Variants in PPM1D observed in about 807,000 individuals in gnomAD.
The protein encoded by PPM1D is protein phosphatase 1D.
A neutral mutation model predicts 58.3 loss-of-function variants in PPM1D; 52 were observed. The observed-to-expected ratio is 0.89, with a 90% CI of 0.71 to 1.12. The LOEUF (loss-of-function observed/expected upper bound fraction) is 1.12. Among genes scored for constraint, PPM1D ranks in the 50% most tolerant of loss-of-function variants. PPM1D has a pLI of 0.00. For missense variants in PPM1D, 564 were observed against 777.2 expected, an observed-to-expected ratio of 0.73 and a Z score of 3.26; for synonymous variants, 278 against 285.1, an observed-to-expected ratio of 0.98 and a Z score of 0.25.
chr17:60,627,610 C>T (rs1387315862), intron 2 of PPM1D, among the ~76,000 whole-genome samples: 3 of 151,852 alleles, frequency 2.0e-5, no homozygotes, highest in Non-Finnish European at 2.9e-5. Context: ...TTAGTAGAAA[C>T]GGGGTTTCAC....
In PPM1D at chr17:60,649,924, A is replaced by G. The variant is rs1295330954; in HGVS notation, c.1017+1842A>G. Among the ~76,000 whole-genome samples, 5 of 152,320 alleles carry G rather than the reference A, an allele frequency of 3.3e-5. No homozygotes were observed. The East Asian group carries it at 5.8e-4, about 18-fold the overall frequency. On this transcript the variant is annotated intron_variant, in intron 4 of 5. Coordinates refer to ENST00000305921, the MANE Select transcript of PPM1D (RefSeq NM_003620.4). ...GTGTTGCATTTAGTTGGAGATTATCATGTATCAAAGAGTAACATAAAGACT... is the reference window on the plus strand; with the variant it reads ...GTGTTGCATTTAGTTGGAGATTATCGTGTATCAAAGAGTAACATAAAGACT...
In PPM1D at chr17:60,650,839, T is replaced by C. The variant is rs371927288; in HGVS notation, c.1017+2757T>C. 9.3e-4 allele frequency among the ~76,000 whole-genome samples: 142 copies of C among 152,054 alleles called. 3 individuals are homozygous for C. Among genetic ancestry groups the C allele is most frequent in the African/African-American group, 3.3e-3 (137 of 41,466 alleles). On this transcript the variant is annotated intron_variant, in intron 4 of 5. Coordinates refer to ENST00000305921, the MANE Select transcript of PPM1D (RefSeq NM_003620.4). ...GGTGGCATGCTCCTATAGTCCCAGC[T>C]ACTCAGGAGGCTGTGGGAGGATTGC...
chr17:60,608,149 T>G (rs1248305973), intron 1 of PPM1D, among the ~76,000 whole-genome samples: 2 of 152,220 alleles, frequency 1.3e-5, no homozygotes, highest in Non-Finnish European at 2.9e-5. Flanking sequence ...AAGTTCAAAT[T>G]TATTTTTTCT....
At position 60,622,295 on chromosome 17, in the gene PPM1D, T is replaced by G. The variant is rs143932493; in HGVS notation, c.473-1226T>G. Among the ~76,000 whole-genome samples, 302 of 152,334 alleles carry G rather than the reference T, an allele frequency of 2.0e-3. 1 individual carries two copies. The highest frequency in any genetic ancestry group is 3.3e-3 in the Admixed American group (51 of 15,304). On this transcript the variant is annotated intron_variant, in intron 1 of 5. Transcript: ENST00000305921. ...TTTTTATTTTTTTTCTTAACATAATTCTATTCCTTTAAACTTCCAGGAATT... is the reference window on the plus strand; with the variant it reads ...TTTTTATTTTTTTTCTTAACATAATGCTATTCCTTTAAACTTCCAGGAATT...
intron 4 of PPM1D, among the ~76,000 whole-genome samples, chr17:60,648,440 A>G (rs1171860728): frequency 2.0e-5 from 3 of 146,902 alleles, no homozygotes; most frequent in Non-Finnish European, 3.0e-5. Flanking sequence ...GCTGGAGTGC[A>G]GTGGCACAAT....
intron 2 of PPM1D, among the ~76,000 whole-genome samples, chr17:60,631,358 G>C (rs901694503): frequency 8.5e-5 from 13 of 152,116 alleles, no homozygotes; most frequent in African/African-American, 3.1e-4. Context: ...GGGATGGTAG[G>C]CTGGGCATGG....
chr17:60,659,625 AAT>A lies in PPM1D; in HGVS notation c.1260+2787_1260+2788del, dbSNP rs1203061593. On this transcript the variant is annotated intron_variant, in intron 5 of 5. Coordinates refer to ENST00000305921, the MANE Select transcript of PPM1D (RefSeq NM_003620.4). ...AGGCACAGTTTGTAATTAATTGTTT[AAT>A]ATTGGATTACAGGGTAGATGGGAGG... Among the ~76,000 whole-genome samples, 7 of 152,362 alleles carry A rather than the reference AAT, an allele frequency of 4.6e-5. No individual in the cohort carries two copies. In the East Asian group the frequency reaches 1.3e-3, roughly 29 times the overall value.
chr17:60,656,119 T>C (rs1013270338), intron 4 of PPM1D, among the ~76,000 whole-genome samples: 1 of 152,118 alleles, frequency 6.6e-6, no homozygotes, highest in African/African-American at 2.4e-5. Flanking sequence ...TAGAAAAGTA[T>C]TATTTTAACA....
chr17:60,652,095 C>T (rs1264397596), intron 4 of PPM1D, among the ~76,000 whole-genome samples: 1 of 152,156 alleles, frequency 6.6e-6, no homozygotes, highest in African/African-American at 2.4e-5. Flanking sequence ...TTGTACAATT[C>T]AATAGTAAAA....
At chr17:60,613,726 T>C (rs192979581) in intron 1 of PPM1D, among the ~76,000 whole-genome samples, 9,673 of 152,260 alleles carry the variant, frequency 0.064, 1,033 homozygotes, top group African/African-American at 0.22. Context: ...CTGGCGCTGC[T>C]GGCCGCAGGC....
chr17:60,652,868 TTTG>T (rs1276002910), intron 4 of PPM1D, among the ~76,000 whole-genome samples: 1 of 152,180 alleles, frequency 6.6e-6, no homozygotes, highest in African/African-American at 2.4e-5. Context: ...TGGGGCTTGT[TTTG>T]TTTTGTTGCT....
chr17:60,626,941 ATAT>A (rs1421909096), intron 2 of PPM1D, among the ~76,000 whole-genome samples: 3 of 151,930 alleles, frequency 2.0e-5, no homozygotes, highest in African/African-American at 7.3e-5. Context: ...ATTTCTTTTA[ATAT>A]TTATTATTCA....
At chr17:60,661,652 AT>A (rs2031528266) in intron 5 of PPM1D, among the ~76,000 whole-genome samples, 1 of 152,154 alleles carries the variant, frequency 6.6e-6, no homozygotes, top group Non-Finnish European at 1.5e-5. Flanking sequence ...GTTTTCATCA[AT>A]TGGGAATTTC....
rs2031577973 is a variant in PPM1D, at chr17:60,663,988, G to A, written c.*436G>A. 1 of 156,838 alleles carries A rather than the reference G, an allele frequency of 6.4e-6. No individual in the cohort carries two copies. The allele number at this position is 156,838 out of a possible 1,614,324, so 9.7% of individuals were successfully genotyped here. On this transcript the variant is annotated 3_prime_UTR_variant, in exon 6 of 6. Transcript: ENST00000305921. ...TTTAAAGTAAATTATTAAGCAGACT[G>A]GAAAAGTGATGTATTTTCATAGTGA...
At chr17:60,608,109 C>T (rs1276464234) in intron 1 of PPM1D, among the ~76,000 whole-genome samples, 3 of 152,166 alleles carry the variant, frequency 2.0e-5, no homozygotes, top group South Asian at 2.1e-4. Flanking sequence ...ATTATACGTT[C>T]TGAAAGAGTT....
At chr17:60,649,545 T>G (rs145430160) in intron 4 of PPM1D, among the ~76,000 whole-genome samples, 1 of 151,848 alleles carries the variant, frequency 6.6e-6, no homozygotes, top group Non-Finnish European at 1.5e-5. Flanking sequence ...CAAAATTAGC[T>G]GGGTGTGGTG....
At chr17:60,648,553 T>G (rs956722266) in intron 4 of PPM1D, among the ~76,000 whole-genome samples, 1 of 151,468 alleles carries the variant, frequency 6.6e-6, no homozygotes, top group Non-Finnish European at 1.5e-5. Flanking sequence ...CGCGGCTAAT[T>G]TTTGTATTTT....
At chr17:60,609,725 T>C (rs1336502961) in intron 1 of PPM1D, among the ~76,000 whole-genome samples, 1 of 152,172 alleles carries the variant, frequency 6.6e-6, no homozygotes, top group Non-Finnish European at 1.5e-5. Flanking sequence ...GATCAACTCT[T>C]ATGGTATTGC....
intron 1 of PPM1D, among the ~76,000 whole-genome samples, chr17:60,616,712 G>A (rs535695135): frequency 1.8e-4 from 27 of 152,294 alleles, no homozygotes; most frequent in African/African-American, 6.5e-4. Context: ...GCAAAATGTA[G>A]CATATAATAA....
Sources: gnomAD v4.1 joint callset for allele counts (sites outside exome capture counted in the v4.1 genomes callset) on GRCh38, gnomAD v4.1.1 for gene constraint, MANE v1.5 for transcripts, NCBI Gene and HGNC (gene_info 2026-07-23, HGNC 2026-07-21) for gene names.